The following DPP10 variants were observed in gnomAD, a reference collection of about 807,000 sequenced individuals.
DPP10 encodes the protein dipeptidyl peptidase like 10.
Under a neutral mutation model 120.9 loss-of-function variants are expected in DPP10, and 33 were observed. That is an observed-to-expected ratio of 0.27 (90% CI 0.21 to 0.37). The LOEUF is 0.37. Among genes scored for constraint, DPP10 ranks in the 10% least tolerant of loss-of-function variants. DPP10 has a pLI of 1.00. For missense variants in DPP10, 816 were observed against 942.8 expected (o/e 0.87, Z 1.76); for synonymous variants, 337 against 326.1 (o/e 1.03, Z -0.36).
chr2:115,447,225 G>C (rs1302685196), intron 3 of DPP10, among the ~76,000 whole-genome samples: 1 of 152,116 alleles, frequency 6.6e-6, no homozygotes, highest in Admixed American at 6.5e-5. Context: ...CCTTTACTTT[G>C]GCCAATTTCT....
intron 1 of DPP10, among the ~76,000 whole-genome samples, chr2:115,084,828 G>A (rs958884023): frequency 1.3e-5 from 2 of 152,182 alleles, no homozygotes; most frequent in African/African-American, 4.8e-5. Context: ...TATTCCTCCA[G>A]AGGGCTCACA....
At chr2:115,342,606 C>T (rs2063505662) in intron 2 of DPP10, among the ~76,000 whole-genome samples, 1 of 152,032 alleles carries the variant, frequency 6.6e-6, no homozygotes, top group Non-Finnish European at 1.5e-5. Flanking sequence ...GCACTTGTTG[C>T]CTTGAAATTT....
intron 1 of DPP10, among the ~76,000 whole-genome samples, chr2:115,129,700 T>C (rs2050243750): frequency 6.6e-6 from 1 of 152,202 alleles, no homozygotes; most frequent in African/African-American, 2.4e-5. Context: ...CCCATTTTGC[T>C]GAGTCATCCT....
At chr2:115,078,518 G>A (rs1353508298) in intron 1 of DPP10, among the ~76,000 whole-genome samples, 1 of 152,140 alleles carries the variant, frequency 6.6e-6, no homozygotes, top group Non-Finnish European at 1.5e-5. Flanking sequence ...TAAAATGTAG[G>A]CAGGTGTAAA....
intron 1 of DPP10, among the ~76,000 whole-genome samples, chr2:115,224,520 A>G (rs2057338238): frequency 6.6e-6 from 1 of 152,102 alleles, no homozygotes; most frequent in Non-Finnish European, 1.5e-5. Context: ...CTGGAGCTGG[A>G]GGGAAGGTGG....
intron 3 of DPP10, among the ~76,000 whole-genome samples, chr2:115,451,538 ATT>A (rs1427230649): frequency 2.0e-5 from 3 of 152,028 alleles, no homozygotes; most frequent in Non-Finnish European, 4.4e-5. Context: ...CCATTTTAGT[ATT>A]TTCATAATAC....
Position 114,465,911 on chromosome 2 carries a change from C to T in DPP10, c.60+23073C>T, listed in dbSNP as rs150077179. ...AAGAAATGTTGTTAATTATAGTCAC[C>T]TACAGTGGTATAGAATGTTAAAATG... is the stretch of plus-strand genomic sequence containing the variant. On this transcript the variant is annotated intron_variant, in intron 1 of 25. Transcript: ENST00000410059. Among the ~76,000 whole-genome samples, 60 of 152,272 alleles carry T rather than the reference C, an allele frequency of 3.9e-4. 1 individual carries two copies. Among genetic ancestry groups the T allele is most frequent in the Admixed American group, 3.7e-3 (56 of 15,290 alleles).
At chr2:115,711,321 G>A (rs977384616) in intron 7 of DPP10, among the ~76,000 whole-genome samples, 3 of 152,092 alleles carry the variant, frequency 2.0e-5, no homozygotes, top group Admixed American at 1.3e-4. Flanking sequence ...AGTACTGTTA[G>A]AGAAATTAAA....
chr2:114,490,814 A>T lies in DPP10; in HGVS notation c.60+47976A>T, dbSNP rs1000528557. On this transcript the variant is annotated intron_variant, in intron 1 of 25. Transcript: ENST00000410059. ...GGCGGGGGGTAATGTGAACTCAGAA[A>T]ACTTGTGTGAGAAGGTGCTTAAAAA... Among the ~76,000 whole-genome samples the T allele has an allele frequency of 5.9e-5, 9 of 152,074 alleles. 1 individual carries two copies. Among genetic ancestry groups the T allele is most frequent in the Admixed American group, 5.9e-4 (9 of 15,268 alleles).
chr2:115,666,128 G>A (rs775524957), intron 5 of DPP10, among the ~76,000 whole-genome samples: 74 of 152,200 alleles, frequency 4.9e-4, no homozygotes, highest in Middle Eastern at 3.4e-3. Flanking sequence ...CCTCATAAGT[G>A]AGAACATCCA....
At chr2:115,162,131 T>C in intron 1 of DPP10, 10 of 1,529,548 alleles carry the variant, frequency 6.5e-6, no homozygotes, top group Non-Finnish European at 8.8e-6. Context: ...GCCTCCCTCT[T>C]CTCACCCTCC....
intron 1 of DPP10, among the ~76,000 whole-genome samples, chr2:114,699,516 G>A (rs1023108422): frequency 2.6e-5 from 4 of 152,086 alleles, no homozygotes; most frequent in Non-Finnish European, 5.9e-5. Context: ...CTATTAGAGA[G>A]TTTGTCACCT....
intron 1 of DPP10, among the ~76,000 whole-genome samples, chr2:115,117,248 A>AC (rs2049562699): frequency 6.6e-6 from 1 of 152,152 alleles, no homozygotes; most frequent in Non-Finnish European, 1.5e-5. Flanking sequence ...GTTAAATGAT[A>AC]TGTGGTTTTA....
chr2:115,201,813 G>C (rs535284995), intron 1 of DPP10, among the ~76,000 whole-genome samples: 2 of 151,598 alleles, frequency 1.3e-5, no homozygotes, highest in African/African-American at 4.8e-5. Flanking sequence ...CAATGATTTT[G>C]CAAATTCAGA....
intron 5 of DPP10, among the ~76,000 whole-genome samples, chr2:115,570,860 A>G (rs979180148): frequency 1.3e-5 from 2 of 152,222 alleles, no homozygotes; most frequent in Non-Finnish European, 2.9e-5. Context: ...GTTATTCAGT[A>G]TACTTGTATT....
chr2:115,845,699 G>A lies in DPP10; in HGVS notation c.*3354G>A, dbSNP rs1200242206. On this transcript the variant is annotated 3_prime_UTR_variant, in exon 26 of 26. Transcript: ENST00000410059. Reference sequence around the variant, plus strand: ...TTCCCCTCCACAAGAAATTATCACTGTGAATATTACAGGAGGAGAAATAAA... The same window carrying A: ...TTCCCCTCCACAAGAAATTATCACTATGAATATTACAGGAGGAGAAATAAA... 6.6e-6 allele frequency: 1 copy of A among 152,120 alleles called. No homozygotes were observed. The highest frequency in any genetic ancestry group is 1.9e-4 in the East Asian group (1 of 5,190). 9.4% of individuals were successfully genotyped at this position (152,120 alleles called of 1,614,324 possible). A position where few individuals can be genotyped will look rare whatever the true frequency, so the allele number is the denominator to read the frequency against.
intron 1 of DPP10, among the ~76,000 whole-genome samples, chr2:114,528,827 C>A (rs1685722527): frequency 6.6e-6 from 1 of 151,958 alleles, no homozygotes; most frequent in South Asian, 2.1e-4. Context: ...CTCCTTCTTC[C>A]TGATTCATCA....
intron 1 of DPP10, among the ~76,000 whole-genome samples, chr2:114,755,188 G>C (rs1019612902): frequency 3.3e-5 from 5 of 152,198 alleles, no homozygotes; most frequent in Non-Finnish European, 5.9e-5. Flanking sequence ...ATCTATGTTA[G>C]TGTCCAGTTT....
chr2:115,319,946 C>T (rs1357502746), intron 2 of DPP10, among the ~76,000 whole-genome samples: 5 of 152,058 alleles, frequency 3.3e-5, no homozygotes, highest in Admixed American at 6.6e-5. Context: ...AATGGTAGGG[C>T]CCTAATAATT....
Sources: gnomAD v4.1 joint callset for allele counts (sites outside exome capture counted in the v4.1 genomes callset) on GRCh38, gnomAD v4.1.1 for gene constraint, MANE v1.5 for transcripts, NCBI Gene and HGNC (gene_info 2026-07-23, HGNC 2026-07-21) for gene names.